The following PRKG1 variants were observed in gnomAD, a reference collection of about 807,000 sequenced individuals.
PRKG1 encodes protein kinase cGMP-dependent 1, also known as cGMP-dependent protein kinase 1.
PRKG1 carries 35 observed loss-of-function variants against 88.1 expected under a neutral mutation model. The observed-to-expected ratio is 0.40, with a 90% CI of 0.30 to 0.53. The LOEUF (loss-of-function observed/expected upper bound fraction) is 0.53. PRKG1 is among the 20% of genes least tolerant of loss of function. The pLI is 0.59. For synonymous variants in PRKG1, 303 were observed against 292.5 expected (o/e 1.04, Z -0.37); for missense variants, 540 against 839.8 (o/e 0.64, Z 4.41).
chr10:51,417,584 T>A (rs193262049), intron 2 of PRKG1, among the ~76,000 whole-genome samples: 14 of 152,260 alleles, frequency 9.2e-5, no homozygotes, highest in African/African-American at 3.4e-4. Flanking sequence ...TTGTAGGGAA[T>A]GAGTAAAGTG....
intron 2 of PRKG1, among the ~76,000 whole-genome samples, chr10:51,219,362 T>C (rs1838461488): frequency 6.6e-6 from 1 of 152,150 alleles, no homozygotes; most frequent in Non-Finnish European, 1.5e-5. Flanking sequence ...ACAAGCAGTG[T>C]ACTGTAGTGT....
At chr10:51,284,529 C>T (rs1223267977) in intron 2 of PRKG1, among the ~76,000 whole-genome samples, 9 of 152,188 alleles carry the variant, frequency 5.9e-5, no homozygotes, top group African/African-American at 2.2e-4. Context: ...CTTTCTAATA[C>T]ATGTATTGTC....
intron 4 of PRKG1, among the ~76,000 whole-genome samples, chr10:51,869,109 G>T (rs1009445127): frequency 1.3e-5 from 2 of 152,100 alleles, no homozygotes; most frequent in African/African-American, 4.8e-5. Flanking sequence ...TTCAATCTAT[G>T]AATATTCAGC....
At chr10:51,772,965 AT>A (rs1838343304) in intron 3 of PRKG1, among the ~76,000 whole-genome samples, 1 of 152,076 alleles carries the variant, frequency 6.6e-6, no homozygotes, top group Non-Finnish European at 1.5e-5. Context: ...TCAGATAGCA[AT>A]GTTAATTGGC....
At chr10:51,375,541 C>A (rs1266598458) in intron 2 of PRKG1, among the ~76,000 whole-genome samples, 2 of 151,988 alleles carry the variant, frequency 1.3e-5, no homozygotes, top group Non-Finnish European at 2.9e-5. Context: ...GTCATGTCAG[C>A]ACTCAAAAAG....
At chr10:52,047,266 T>C (rs1198502978) in intron 5 of PRKG1, among the ~76,000 whole-genome samples, 1 of 152,168 alleles carries the variant, frequency 6.6e-6, no homozygotes, top group Non-Finnish European at 1.5e-5. Flanking sequence ...AAGTTATCTG[T>C]TATCCAAGAA....
At chr10:51,621,305 T>A (rs1049113453) in intron 3 of PRKG1, among the ~76,000 whole-genome samples, 3 of 134,028 alleles carry the variant, frequency 2.2e-5, no homozygotes, top group Non-Finnish European at 4.8e-5. Flanking sequence ...GTTCTCAAAT[T>A]TCTTAGTTTC....
At chr10:52,021,699 C>T (rs1845189532) in intron 5 of PRKG1, among the ~76,000 whole-genome samples, 1 of 152,008 alleles carries the variant, frequency 6.6e-6, no homozygotes, top group Admixed American at 6.6e-5. Context: ...TTGAATTACC[C>T]AAATTGCATG....
chr10:51,664,207 T>C (rs1344763729), intron 3 of PRKG1, among the ~76,000 whole-genome samples: 1 of 152,176 alleles, frequency 6.6e-6, no homozygotes, highest in Non-Finnish European at 1.5e-5. Flanking sequence ...GTTCATTTTA[T>C]TCAATTTGAC....
chr10:50,998,638 CT>C (rs2132712528), intron 1 of PRKG1, among the ~76,000 whole-genome samples: 1 of 152,204 alleles, frequency 6.6e-6, no homozygotes, highest in African/African-American at 2.4e-5. Context: ...GTCCCAGCTG[CT>C]TGGGAGACTG....
At chr10:52,194,027 T>C (rs920039550) in intron 9 of PRKG1, among the ~76,000 whole-genome samples, 1 of 152,294 alleles carries the variant, frequency 6.6e-6, no homozygotes, top group Non-Finnish European at 1.5e-5. Context: ...TCAAAATGTA[T>C]GTATTAAGAA....
At chr10:51,719,785 T>C (rs1841969379) in intron 3 of PRKG1, among the ~76,000 whole-genome samples, 1 of 152,180 alleles carries the variant, frequency 6.6e-6, no homozygotes, top group South Asian at 2.1e-4. Flanking sequence ...TTCAGAACTT[T>C]TCTGTAAATC....
intron 4 of PRKG1, among the ~76,000 whole-genome samples, chr10:51,871,790 C>T (rs201088502): frequency 1.3e-5 from 2 of 152,060 alleles, no homozygotes; most frequent in South Asian, 2.1e-4. Context: ...GGGGAAACAC[C>T]GCAGGCACAT....
intron 2 of PRKG1, among the ~76,000 whole-genome samples, chr10:51,154,818 G>A (rs1846166423): frequency 1.3e-5 from 2 of 151,838 alleles, no homozygotes; most frequent in African/African-American, 4.8e-5. Flanking sequence ...ATGTACACTT[G>A]GCAGAGAATT....
chr10:52,050,293 G>A (rs541405172), intron 5 of PRKG1, among the ~76,000 whole-genome samples: 22 of 152,190 alleles, frequency 1.4e-4, no homozygotes, highest in East Asian at 5.8e-4. Flanking sequence ...ACATGGTCTC[G>A]TAGGCCATGT....
chr10:51,582,206 A>G (rs999899110), intron 3 of PRKG1, among the ~76,000 whole-genome samples: 1 of 152,210 alleles, frequency 6.6e-6, no homozygotes, highest in Admixed American at 6.5e-5. Flanking sequence ...TGACTAATCT[A>G]TAATATTCTC....
At chr10:51,266,943 A>G (rs1839850860) in intron 2 of PRKG1, among the ~76,000 whole-genome samples, 1 of 152,206 alleles carries the variant, frequency 6.6e-6, no homozygotes, top group Non-Finnish European at 1.5e-5. Context: ...TGATTTAGAT[A>G]TATAAACAAA....
intron 5 of PRKG1, among the ~76,000 whole-genome samples, chr10:52,013,921 G>C (rs1196030290): frequency 6.6e-6 from 1 of 152,054 alleles, no homozygotes; most frequent in Non-Finnish European, 1.5e-5. Context: ...ACTCTATCTT[G>C]GGTGCTCATT....
intron 3 of PRKG1, among the ~76,000 whole-genome samples, chr10:51,661,460 C>G (rs1840297557): frequency 6.6e-6 from 1 of 152,002 alleles, no homozygotes; most frequent in African/African-American, 2.4e-5. Flanking sequence ...TTTATGCAGC[C>G]AAAAGACACA....
Sources: allele counts gnomAD v4.1 joint callset (sites outside exome capture counted in the v4.1 genomes callset), GRCh38; gene constraint gnomAD v4.1.1; transcripts MANE v1.5; gene names NCBI Gene and HGNC (gene_info 2026-07-23, HGNC 2026-07-21).